Variants in IQSEC1 observed in about 807,000 individuals in gnomAD.
IQSEC1 encodes the protein IQ motif and SEC7 domain-containing protein 1.
IQSEC1 carries 31 observed loss-of-function variants against 91.0 expected under a neutral mutation model. The observed-to-expected ratio is 0.34, with a 90% CI of 0.26 to 0.46. The LOEUF (loss-of-function observed/expected upper bound fraction) is 0.46. Among genes scored for constraint, IQSEC1 ranks in the 20% least tolerant of loss-of-function variants. The pLI is 1.00. For synonymous variants in IQSEC1, 699 were observed against 662.6 expected (o/e 1.05, Z -0.84); for missense variants, 1,388 against 1,575.6 (o/e 0.88, Z 2.02).
chr3:12,970,193 AAC>A lies in IQSEC1; in HGVS notation c.24-28330_24-28329del, dbSNP rs1416529714. Reference sequence around the variant, plus strand: ...ACTTACTCTGAGGCCTCAGTGGGGAAACACTGCTGTGACAAGTATTCCCCAGT... The same window carrying A: ...ACTTACTCTGAGGCCTCAGTGGGGAAACTGCTGTGACAAGTATTCCCCAGT... On this transcript the variant is annotated intron_variant, in intron 1 of 13. Coordinates refer to ENST00000613206, the MANE Select transcript of IQSEC1 (RefSeq NM_001134382.3). The surrounding 1 kb of genome is among the most constrained non-coding windows in gnomAD (Gnocchi z 4.4). 6.6e-6 allele frequency among the ~76,000 whole-genome samples: 1 copy of A among 152,198 alleles called. No homozygotes were observed. Among genetic ancestry groups the A allele is most frequent in the Non-Finnish European group, 1.5e-5 (1 of 68,028 alleles).
At chr3:13,140,905 C>T (rs544508579) in intron 2 of IQSEC1, among the ~76,000 whole-genome samples, 1 of 152,294 alleles carries the variant, frequency 6.6e-6, no homozygotes, top group South Asian at 2.1e-4. Flanking sequence ...CCTGCCAGCG[C>T]TGGTGTCATA....
In IQSEC1 at chr3:13,094,889, C is replaced by T. The variant is rs116602767; in HGVS notation, c.303-47367G>A. On this transcript the variant is annotated intron_variant, in intron 2 of 15. Coordinates refer to the IQSEC1 transcript ENST00000648114. ...ACCTCCCCAGGCAAGGGATACATTT[C>T]GATGGACCATGGACACAGACTGAAC... 1.4e-3 allele frequency among the ~76,000 whole-genome samples: 212 copies of T among 152,276 alleles called. 1 individual carries two copies. The highest frequency in any genetic ancestry group is 2.3e-3 in the Non-Finnish European group (158 of 68,020).
At chr3:12,991,340 GC>G (rs1411119422) in intron 1 of IQSEC1, among the ~76,000 whole-genome samples, 1 of 152,214 alleles carries the variant, frequency 6.6e-6, no homozygotes, top group Non-Finnish European at 1.5e-5. Context: ...CAGTGGAAAG[GC>G]AGGGGGCTCC....
At chr3:13,037,941 C>A in intron 1 of IQSEC1, among the ~76,000 whole-genome samples, 1 of 151,820 alleles carries the variant, frequency 6.6e-6, no homozygotes, top group East Asian at 1.9e-4. Flanking sequence ...AATGATTGCA[C>A]AATAACGTGA....
chr3:13,194,001 T>G (rs1694079878), intron 1 of IQSEC1, among the ~76,000 whole-genome samples: 1 of 152,186 alleles, frequency 6.6e-6, no homozygotes, highest in African/African-American at 2.4e-5. Context: ...CTCTCCCTCC[T>G]TGGCTGGCCG....
chr3:13,081,642 A>G (rs1705648806), intron 2 of IQSEC1, among the ~76,000 whole-genome samples: 1 of 152,242 alleles, frequency 6.6e-6, no homozygotes, highest in African/African-American at 2.4e-5. Flanking sequence ...TATTACTACA[A>G]AAATTTTTCA....
At chr3:13,256,041 G>T (rs1695280029) in intron 1 of IQSEC1, among the ~76,000 whole-genome samples, 1 of 152,202 alleles carries the variant, frequency 6.6e-6, no homozygotes, top group Non-Finnish European at 1.5e-5. Flanking sequence ...GGTCCAAGCT[G>T]CCAGTGGTGC....
At chr3:13,204,493 A>C (rs1404596764) in intron 1 of IQSEC1, among the ~76,000 whole-genome samples, 1 of 152,242 alleles carries the variant, frequency 6.6e-6, no homozygotes, top group Non-Finnish European at 1.5e-5. Context: ...CTCCCAGCCT[A>C]GAAGATGGAG....
At chr3:13,092,369 A>G (rs1391584340) in intron 2 of IQSEC1, among the ~76,000 whole-genome samples, 3 of 152,094 alleles carry the variant, frequency 2.0e-5, no homozygotes, top group Non-Finnish European at 4.4e-5. Context: ...AGTCCTGCAA[A>G]GAGATACCTG....
intron 1 of IQSEC1, among the ~76,000 whole-genome samples, chr3:13,030,798 T>C (rs554851434): frequency 6.6e-6 from 1 of 152,332 alleles, no homozygotes; most frequent in Admixed American, 6.5e-5. Context: ...AAAAACAGCA[T>C]GGAGTGGGTG....
In IQSEC1 at chr3:12,909,549, T is replaced by A; in HGVS notation, c.2417-115A>T. 2 of 1,064,798 alleles carry A rather than the reference T, an allele frequency of 1.9e-6. No individual in the cohort carries two copies. Among genetic ancestry groups the A allele is most frequent in the Non-Finnish European group, 2.7e-6 (2 of 729,864 alleles). 66.0% of individuals were successfully genotyped at this position (1,064,798 alleles called of 1,614,324 possible). A position where few individuals can be genotyped will look rare whatever the true frequency, so the allele number is the denominator to read the frequency against. The stretch of plus-strand genomic sequence containing the variant: ...GAGTTGTGCGTGAGCCTGGGATAAG[T>A]GCCGGGAGTCCAGCCTCCGCAGTGG... On this transcript the variant is annotated intron_variant, in intron 10 of 13. Transcript: ENST00000613206. This position sits in a 1 kb window ranked among gnomAD's most constrained non-coding sequence, Gnocchi z 4.9.
At chr3:13,109,563 G>A (rs1473114909) in intron 2 of IQSEC1, among the ~76,000 whole-genome samples, 1 of 152,070 alleles carries the variant, frequency 6.6e-6, no homozygotes, top group African/African-American at 2.4e-5. Context: ...GGGTCATACG[G>A]GTGGATCCCT....
At chr3:13,267,137 A>G (rs532805851) in intron 1 of IQSEC1, among the ~76,000 whole-genome samples, 4 of 152,248 alleles carry the variant, frequency 2.6e-5, no homozygotes, top group South Asian at 4.2e-4. Context: ...CCTGATTGGG[A>G]TAAGTGCTTT....
chr3:13,240,562 C>A (rs1695004777), intron 1 of IQSEC1, among the ~76,000 whole-genome samples: 1 of 152,026 alleles, frequency 6.6e-6, no homozygotes, highest in Non-Finnish European at 1.5e-5. Context: ...GGGTGGGCGC[C>A]AGTTGGTAGA....
intron 1 of IQSEC1, among the ~76,000 whole-genome samples, chr3:13,240,380 A>C (rs1020209344): frequency 2.6e-5 from 4 of 152,122 alleles, no homozygotes; most frequent in African/African-American, 9.7e-5. Context: ...CTAATAAATA[A>C]ATGAATAAAT....
At chr3:12,948,714 C>T (rs1007201316) in intron 1 of IQSEC1, among the ~76,000 whole-genome samples, 6 of 152,298 alleles carry the variant, frequency 3.9e-5, no homozygotes, top group East Asian at 3.9e-4. Flanking sequence ...ATATCGACAA[C>T]GACAATGGTA....
At chr3:12,976,617 TTC>T (rs376407220) in intron 1 of IQSEC1, among the ~76,000 whole-genome samples, 1 of 152,244 alleles carries the variant, frequency 6.6e-6, no homozygotes, top group African/African-American at 2.4e-5. Flanking sequence ...TTCGTCCACA[TTC>T]TCTCTGTCTC....
At chr3:12,941,228 T>C (rs1010262603) in intron 2 of IQSEC1, among the ~76,000 whole-genome samples, 1 of 152,178 alleles carries the variant, frequency 6.6e-6, no homozygotes, top group African/African-American at 2.4e-5. Context: ...CTGGGCCTCA[T>C]GCTCAGACAC....
At chr3:13,239,883 G>C (rs1450271225) in intron 1 of IQSEC1, among the ~76,000 whole-genome samples, 1 of 152,216 alleles carries the variant, frequency 6.6e-6, no homozygotes, top group Non-Finnish European at 1.5e-5. Flanking sequence ...CGGGTGGGGA[G>C]TGAGGAGTTA....
Sources: allele counts gnomAD v4.1 joint callset (sites outside exome capture counted in the v4.1 genomes callset), GRCh38; gene constraint gnomAD v4.1.1; non-coding constraint Gnocchi (gnomAD v3.1); transcripts MANE v1.5; gene names NCBI Gene and HGNC (gene_info 2026-07-23, HGNC 2026-07-21).